The following RFX3 variants were observed in gnomAD, a reference collection of about 807,000 sequenced individuals.
RFX3 encodes transcription factor RFX3.
Under a neutral mutation model 98.6 loss-of-function variants are expected in RFX3, and 14 were observed. The ratio of observed to expected loss-of-function variants is 0.14; its 90% CI spans 0.09 to 0.22. The LOEUF (loss-of-function observed/expected upper bound fraction) is 0.22, where lower values mean the gene tolerates loss of function less well. Ranked by LOEUF, RFX3 falls within the 10% of genes least tolerant of loss-of-function variation. The pLI, the probability that RFX3 is intolerant of heterozygous loss-of-function variation, is 1.00. For synonymous variants in RFX3, 383 were observed against 328.4 expected (o/e 1.17, Z -1.80); for missense variants, 639 against 926.9 (o/e 0.69, Z 4.03).
At chr9:3,366,693 C>CCTTTCTTTCTTTCCTT (rs1837144161) in intron 2 of RFX3, among the ~76,000 whole-genome samples, 1 of 85,452 alleles carries the variant, frequency 1.2e-5, no homozygotes, top group African/African-American at 5.2e-5. Flanking sequence ...TTCTTTCTTT[C>CCTTTCTTTCTTTCCTT]CTTTCTTTCT....
chr9:3,468,814 TGAAAAAAAAAAAAAAAA>T (rs1305150986), intron 1 of RFX3, among the ~76,000 whole-genome samples: 1 of 110,922 alleles, frequency 9.0e-6, no homozygotes, highest in African/African-American at 3.6e-5. Flanking sequence ...GTTTTCCTTT[TGAAAAAAAAAAAAAAAA>T]GAAAAAAGAA....
At chr9:3,521,863 C>T (rs1464226097) in intron 1 of RFX3, among the ~76,000 whole-genome samples, 1 of 151,964 alleles carries the variant, frequency 6.6e-6, no homozygotes, top group African/African-American at 2.4e-5. Context: ...TGGGGTTTGA[C>T]TTGGGTGTGT....
At position 3,395,544 on chromosome 9, in the gene RFX3, G is replaced by A; in HGVS notation, c.45C>T (p.Thr15=). ...CTTGACTAGCCACAGATGTTTGTAA[G>A]GTCACTGTCGAGCCTGTGTCCGACC... ...ETGSDTGSTV[T]LQTSVASQAA... Residue 15 remains threonine, a synonymous_variant, in exon 2 of 17, where the codon ACC becomes ACT. Coordinates refer to ENST00000617270, the MANE Select transcript of RFX3 (RefSeq NM_001282116.2). 2 of 1,614,126 alleles carry A rather than the reference G, an allele frequency of 1.2e-6. No homozygotes were observed. The highest frequency in any genetic ancestry group is 4.5e-5 in the East Asian group (2 of 44,878).
chr9:3,420,846 C>G, intron 1 of RFX3: 1 of 985,096 alleles, frequency 1.0e-6, no homozygotes, highest in Non-Finnish European at 1.2e-6. Context: ...AGCATTCTGT[C>G]CATTTAAATC....
At chr9:3,279,248 C>T (rs750177819) in intron 7 of RFX3, among the ~76,000 whole-genome samples, 35 of 151,628 alleles carry the variant, frequency 2.3e-4, no homozygotes, top group Non-Finnish European at 3.8e-4. Context: ...CTTATTGATT[C>T]ATTCCAAGTT....
intron 4 of RFX3, among the ~76,000 whole-genome samples, chr9:3,313,881 G>C (rs200012739): frequency 7.9e-5 from 12 of 152,276 alleles, no homozygotes; most frequent in African/African-American, 2.9e-4. Context: ...TGTGAAAAGA[G>C]CAAATCTACG....
Position 3,366,711 on chromosome 9 carries a change from TTTCTTTC to T in RFX3, c.118-19954_118-19948del, listed in dbSNP as rs1409207376. Among the ~76,000 whole-genome samples, 24 of 134,444 alleles carry T rather than the reference TTTCTTTC, an allele frequency of 1.8e-4. No homozygotes were observed. The East Asian group carries it at 3.3e-3, about 19-fold the overall frequency. 88.2% of individuals were successfully genotyped at this position (134,444 alleles called of 152,430 possible). A position where few individuals can be genotyped will look rare whatever the true frequency, so the allele number is the denominator to read the frequency against. The stretch of plus-strand genomic sequence containing the variant: ...TTTCTTTCCTTTCTTTCTTTCTTTC[TTTCTTTC>T]TTTCTTTCTTTCTTTCTTTCTTTCT... On this transcript the variant is annotated intron_variant, in intron 2 of 16. Coordinates refer to ENST00000617270, the MANE Select transcript of RFX3 (RefSeq NM_001282116.2).
intron 1 of RFX3, among the ~76,000 whole-genome samples, chr9:3,463,525 C>G (rs1435680252): frequency 6.6e-6 from 1 of 151,708 alleles, no homozygotes; most frequent in Non-Finnish European, 1.5e-5. Flanking sequence ...AAGACTTATT[C>G]TTTGAAAAGG....
intron 1 of RFX3, among the ~76,000 whole-genome samples, chr9:3,411,751 A>G (rs1842485590): frequency 6.6e-6 from 1 of 151,774 alleles, no homozygotes; most frequent in African/African-American, 2.4e-5. Context: ...TCGGCCTCCC[A>G]AAGTGCTGGG....
At chr9:3,511,074 T>C (rs1033438712) in intron 1 of RFX3, among the ~76,000 whole-genome samples, 2 of 151,994 alleles carry the variant, frequency 1.3e-5, no homozygotes, top group Non-Finnish European at 2.9e-5. Context: ...ATATATTAAG[T>C]CATACACAAT....
At chr9:3,441,392 A>C (rs573732374) in intron 1 of RFX3, among the ~76,000 whole-genome samples, 1 of 152,188 alleles carries the variant, frequency 6.6e-6, no homozygotes, top group South Asian at 2.1e-4. Flanking sequence ...AAACCTAGAC[A>C]CAGTGACACC....
rs191666909 is a variant in RFX3 at position 3,311,519 on chromosome 9, T to A, written c.475-9899A>T. On this transcript the variant is annotated intron_variant, in intron 4 of 16. Coordinates refer to ENST00000617270, the MANE Select transcript of RFX3 (RefSeq NM_001282116.2). ...TCCCTTTTGCATTTAGTCTCTATAA[T>A]CACTAAAATTGCGGTTGTTCAAAAT... 1.4e-4 allele frequency among the ~76,000 whole-genome samples: 22 copies of A among 152,312 alleles called. No homozygotes were observed. The East Asian group carries it at 4.2e-3, about 29-fold the overall frequency.
intron 1 of RFX3, among the ~76,000 whole-genome samples, chr9:3,396,664 A>G (rs1346934350): frequency 6.6e-6 from 1 of 152,194 alleles, no homozygotes; most frequent in Non-Finnish European, 1.5e-5. Context: ...TCAACAGTGT[A>G]AAAGTGTTCC....
intron 1 of RFX3, among the ~76,000 whole-genome samples, chr9:3,436,209 T>A (rs1259206118): frequency 6.6e-6 from 1 of 152,102 alleles, no homozygotes; most frequent in African/African-American, 2.4e-5. Flanking sequence ...TGAAGCCAAG[T>A]TGTTCTTTGT....
chr9:3,480,946 A>T (rs910967025), intron 1 of RFX3, among the ~76,000 whole-genome samples: 2 of 152,134 alleles, frequency 1.3e-5, no homozygotes, highest in Non-Finnish European at 2.9e-5. Context: ...CTATTAATAA[A>T]ATTATAACCA....
chr9:3,230,819 TAGTTA>T (rs1818356111), intron 15 of RFX3, among the ~76,000 whole-genome samples: 1 of 152,246 alleles, frequency 6.6e-6, no homozygotes, highest in South Asian at 2.1e-4. Context: ...AAGTTGTTTG[TAGTTA>T]AGTTATTATT....
intron 1 of RFX3, among the ~76,000 whole-genome samples, chr9:3,502,828 A>AAT (rs1816183504): frequency 6.6e-6 from 1 of 152,118 alleles, no homozygotes; most frequent in African/African-American, 2.4e-5. Flanking sequence ...GTAAAAAGCA[A>AAT]TGGGAATAAT....
intron 1 of RFX3, chr9:3,420,871 C>G (rs1843381788): frequency 2.0e-6 from 2 of 985,006 alleles, no homozygotes; most frequent in Non-Finnish European, 2.4e-6. Context: ...AGATCCTGAT[C>G]TGCACAACCA....
chr9:3,388,171 A>G (rs922118824), intron 2 of RFX3, among the ~76,000 whole-genome samples: 2 of 152,126 alleles, frequency 1.3e-5, no homozygotes, highest in Admixed American at 6.6e-5. Flanking sequence ...GATGGAAATG[A>G]CCCAGTATTG....
Sources: allele counts gnomAD v4.1 joint callset (sites outside exome capture counted in the v4.1 genomes callset), GRCh38; gene constraint gnomAD v4.1.1; transcripts MANE v1.5; gene names NCBI Gene and HGNC (gene_info 2026-07-23, HGNC 2026-07-21).